IRAG1: variants seen among roughly 807,000 people sequenced by gnomAD.
The protein encoded by IRAG1 is inositol 1,4,5-triphosphate receptor associated 1.
Under a neutral mutation model 106.2 loss-of-function variants are expected in IRAG1, and 62 were observed. The observed-to-expected ratio is 0.58, with a 90% CI of 0.48 to 0.72. The LOEUF is 0.72. Ranked by LOEUF, IRAG1 falls within the 30% of genes least tolerant of loss-of-function variation. The probability of loss-of-function intolerance (pLI) is 0.00; values close to 1 mark genes in which losing one functional copy is unlikely to be tolerated. For missense variants in IRAG1, 1,064 were observed against 1,140.7 expected, an observed-to-expected ratio of 0.93 and a Z score of 0.97; for synonymous variants, 462 against 443.9, an observed-to-expected ratio of 1.04 and a Z score of -0.51.
chr11:10,618,069 C>T lies in IRAG1; in HGVS notation c.1447+5709G>A, dbSNP rs530868493. Among the ~76,000 whole-genome samples, 26 of 152,336 alleles carry T rather than the reference C, an allele frequency of 1.7e-4. 1 individual carries two copies. In the South Asian group the frequency reaches 5.0e-3, roughly 29 times the overall value. On this transcript the variant is annotated intron_variant, in intron 10 of 20. Coordinates refer to ENST00000423302, the MANE Select transcript of IRAG1 (RefSeq NM_130385.4). The stretch of plus-strand genomic sequence containing the variant: ...TCAAAGCCTTCAATTTCCTTGGTCT[C>T]AGCCCACTGTTCCCACCTTGTTGCC...
At chr11:10,634,999 G>T (rs996384193) in intron 2 of IRAG1, among the ~76,000 whole-genome samples, 1 of 152,114 alleles carries the variant, frequency 6.6e-6, no homozygotes, top group Admixed American at 6.5e-5. Flanking sequence ...CATGCACTAA[G>T]ATTAGGGACA....
At chr11:10,617,770 C>G (rs1855540293) in intron 10 of IRAG1, among the ~76,000 whole-genome samples, 2 of 152,154 alleles carry the variant, frequency 1.3e-5, no homozygotes, top group African/African-American at 4.8e-5. Context: ...TGCCTCTCAA[C>G]TCCATCTCCT....
Position 10,609,772 on chromosome 11 carries a change from A to G in IRAG1, c.1527T>C (p.Asp509=). ...SGLDVMPNIS[D]VLLRKLRVHR... ...GGACCCGCAGTTTGCGCAGCAGCAC[A>G]TCAGAAATATTAGGCATGACATCTA... Residue 509 remains aspartate, a synonymous_variant, in exon 11 of 21, where the codon GAT becomes GAC. Coordinates refer to ENST00000423302, the MANE Select transcript of IRAG1 (RefSeq NM_130385.4). The G allele has an allele frequency of 6.2e-7, 1 of 1,613,974 alleles. No individual in the cohort carries two copies. Among genetic ancestry groups the G allele is most frequent in the Non-Finnish European group, 8.5e-7 (1 of 1,179,864 alleles).
Position 10,596,692 on chromosome 11 carries a change from A to G in IRAG1, c.2018-2497T>C, listed in dbSNP as rs1180091022. The stretch of plus-strand genomic sequence containing the variant: ...AATGCTTCTTTCATAATTTTAATCA[A>G]TTTATTTCTCTGAACTATACATTGG... On this transcript the variant is annotated intron_variant, in intron 15 of 20. Coordinates refer to ENST00000423302, the MANE Select transcript of IRAG1 (RefSeq NM_130385.4). Among the ~76,000 whole-genome samples the G allele has an allele frequency of 3.9e-5, 6 of 152,108 alleles. No individual in the cohort carries two copies. In the South Asian group the frequency reaches 6.2e-4, roughly 16 times the overall value.
At chr11:10,671,504 G>A (rs113127866) in intron 1 of IRAG1, among the ~76,000 whole-genome samples, 34 of 152,272 alleles carry the variant, frequency 2.2e-4, no homozygotes, top group African/African-American at 7.9e-4. Flanking sequence ...CTGAGGCCAG[G>A]AGTTTGAGAC....
At chr11:10,687,606 A>G (rs929172331) in intron 1 of IRAG1, 1 of 1,125,692 alleles carries the variant, frequency 8.9e-7, no homozygotes, top group African/African-American at 1.6e-5. Flanking sequence ...AGTGAAGGAA[A>G]GAGGTGTTAT....
intron 2 of IRAG1, among the ~76,000 whole-genome samples, chr11:10,638,181 A>G (rs1857273655): frequency 6.6e-6 from 1 of 152,188 alleles, no homozygotes; most frequent in South Asian, 2.1e-4. Flanking sequence ...AGTAGTGTTT[A>G]CAAGTTTTTA....
At chr11:10,594,531 T>C (rs1166369901) in intron 15 of IRAG1, among the ~76,000 whole-genome samples, 2 of 152,180 alleles carry the variant, frequency 1.3e-5, no homozygotes, top group Admixed American at 6.5e-5. Flanking sequence ...CGAAGACTTA[T>C]TGGGTTATTT....
intron 12 of IRAG1, among the ~76,000 whole-genome samples, chr11:10,606,422 G>C (rs1157010118): frequency 6.6e-6 from 1 of 152,196 alleles, no homozygotes. Context: ...AAATAAATTT[G>C]ATTCAATTCT....
At chr11:10,594,249 C>T in intron 15 of IRAG1, 54 bp from the exon 16 acceptor site, 1 of 1,518,614 alleles carries the variant, frequency 6.6e-7, no homozygotes. Context: ...GGCTAGGCAC[C>T]AGCAGGAAAC....
intron 1 of IRAG1, among the ~76,000 whole-genome samples, chr11:10,655,896 C>T (rs190732130): frequency 8.0e-4 from 122 of 152,272 alleles, no homozygotes; most frequent in African/African-American, 2.6e-3. Context: ...CTTGCTGAGG[C>T]CCCACTCTTG....
At chr11:10,687,703 G>C in intron 1 of IRAG1, 1 of 1,288,302 alleles carries the variant, frequency 7.8e-7, no homozygotes, top group Non-Finnish European at 1.0e-6. Flanking sequence ...GGTGTTTTTG[G>C]AGTTGAGAAT....
Position 10,657,201 on chromosome 11 carries a change from G to A in IRAG1, c.68-5019C>T, listed in dbSNP as rs1589929701. Among the ~76,000 whole-genome samples the A allele has an allele frequency of 6.6e-6, 1 of 152,158 alleles. No homozygotes were observed. Among genetic ancestry groups the A allele is most frequent in the African/African-American group, 2.4e-5 (1 of 41,412 alleles). The stretch of plus-strand genomic sequence containing the variant: ...TCAGCAGCCCTGTGAGATGGGGAGA[G>A]TAAGTACTATTATTATTAACATTAA... On this transcript the variant is annotated intron_variant, in intron 1 of 20. Coordinates refer to ENST00000423302, the MANE Select transcript of IRAG1 (RefSeq NM_130385.4). The surrounding 1 kb of genome is among the most constrained non-coding windows in gnomAD (Gnocchi z 4.1).
At chr11:10,584,379 C>G (rs1851705574) in intron 18 of IRAG1, among the ~76,000 whole-genome samples, 1 of 151,974 alleles carries the variant, frequency 6.6e-6, no homozygotes, top group Non-Finnish European at 1.5e-5. Context: ...AAAGATAACG[C>G]TCTAAAAATA....
At chr11:10,634,286 C>T (rs1480572032) in intron 2 of IRAG1, among the ~76,000 whole-genome samples, 2 of 152,120 alleles carry the variant, frequency 1.3e-5, no homozygotes, top group Non-Finnish European at 1.5e-5. Flanking sequence ...TTTTCATTAC[C>T]TTGATACAAT....
At chr11:10,642,718 A>G (rs998406065) in intron 2 of IRAG1, among the ~76,000 whole-genome samples, 4 of 152,276 alleles carry the variant, frequency 2.6e-5, no homozygotes. Flanking sequence ...GAGAGAAAGC[A>G]ATAATAATGA....
intron 1 of IRAG1, among the ~76,000 whole-genome samples, chr11:10,668,834 C>T (rs1859993557): frequency 6.6e-6 from 1 of 152,072 alleles, no homozygotes; most frequent in South Asian, 2.1e-4. Flanking sequence ...TTCTTTAACC[C>T]AGTTTAAATG....
At chr11:10,684,642 AT>A (rs1861529968) in intron 1 of IRAG1, among the ~76,000 whole-genome samples, 2 of 148,908 alleles carry the variant, frequency 1.3e-5, no homozygotes, top group Admixed American at 6.7e-5. Context: ...AATAATAATA[AT>A]AATAAAGAGA....
chr11:10,662,299 T>C (rs748957091), intron 1 of IRAG1, among the ~76,000 whole-genome samples: 3 of 152,148 alleles, frequency 2.0e-5, no homozygotes, highest in Non-Finnish European at 4.4e-5. Flanking sequence ...GTGGGTGGCC[T>C]TGCCTGCCCT....
Sources: allele counts gnomAD v4.1 joint callset (sites outside exome capture counted in the v4.1 genomes callset), GRCh38; gene constraint gnomAD v4.1.1; non-coding constraint Gnocchi (gnomAD v3.1); transcripts MANE v1.5; gene names NCBI Gene and HGNC (gene_info 2026-07-23, HGNC 2026-07-21).